Variants in FARP1 observed in about 807,000 individuals in gnomAD.
FARP1 encodes FERM, ARHGEF and pleckstrin domain-containing protein 1.
Under a neutral mutation model 128.8 loss-of-function variants are expected in FARP1, and 52 were observed. The observed-to-expected ratio is 0.40, with a 90% CI of 0.32 to 0.51. The LOEUF is 0.51. Among genes scored for constraint, FARP1 ranks in the 20% least tolerant of loss-of-function variants. FARP1 has a pLI of 0.45. For synonymous variants in FARP1, 580 were observed against 551.8 expected (o/e 1.05, Z -0.72); for missense variants, 1,333 against 1,367.9 (o/e 0.97, Z 0.40).
chr13:98,189,944 A>G (rs1879116332), intron 1 of FARP1, among the ~76,000 whole-genome samples: 1 of 152,184 alleles, frequency 6.6e-6, no homozygotes, highest in Non-Finnish European at 1.5e-5. Context: ...TTTTCATGCA[A>G]GTTCTCTGTC....
At chr13:98,211,170 C>G (rs1387223803) in intron 1 of FARP1, among the ~76,000 whole-genome samples, 1 of 152,198 alleles carries the variant, frequency 6.6e-6, no homozygotes, top group African/African-American at 2.4e-5. Flanking sequence ...CATTTGAAGT[C>G]CTCTAAAGGA....
intron 2 of FARP1, among the ~76,000 whole-genome samples, chr13:98,214,018 C>T (rs1028991754): frequency 3.1e-4 from 47 of 152,302 alleles, no homozygotes; most frequent in African/African-American, 1.1e-3. Context: ...GAGGCCCTGC[C>T]ACCGCAGGGC....
intron 2 of FARP1, among the ~76,000 whole-genome samples, chr13:98,221,202 T>A: frequency 6.6e-6 from 1 of 152,204 alleles, no homozygotes; most frequent in Non-Finnish European, 1.5e-5. Flanking sequence ...ACAGATTTGG[T>A]TCTCATGAAA....
At chr13:98,210,758 C>T (rs1428143301) in intron 1 of FARP1, among the ~76,000 whole-genome samples, 1 of 152,070 alleles carries the variant, frequency 6.6e-6, no homozygotes, top group Non-Finnish European at 1.5e-5. Flanking sequence ...ACCATGTTAG[C>T]CAGGATAGTC....
chr13:98,261,875 C>G (rs772357467), intron 2 of FARP1, among the ~76,000 whole-genome samples: 1 of 152,110 alleles, frequency 6.6e-6, no homozygotes, highest in Non-Finnish European at 1.5e-5. Context: ...CTCCCATGAC[C>G]CAGACACCTC....
At position 98,410,791 on chromosome 13, in the gene FARP1, A is replaced by G; in HGVS notation, c.1660A>G (p.Thr554Ala). 6.2e-7 allele frequency: 1 copy of G among 1,602,052 alleles called. No homozygotes were observed. The highest frequency in any genetic ancestry group is 8.5e-7 in the Non-Finnish European group (1 of 1,171,200). The part of the protein sequence containing the change: ...IAKEVSTTER[T>A]YLKDLEVITS... The stretch of plus-strand genomic sequence containing the variant: ...TAAGGAAGTGTCTACCACCGAGCGA[A>G]CATATCTGAAGGATCTCGAAGTTAT... The change falls in exon 15 of 27, where the codon ACA (threonine) becomes GCA (alanine). Residue 554 changes from threonine to alanine, a missense_variant. Transcript: ENST00000319562.
intron 2 of FARP1, among the ~76,000 whole-genome samples, chr13:98,285,309 T>A (rs998910769): frequency 2.0e-5 from 3 of 152,208 alleles, no homozygotes; most frequent in Non-Finnish European, 4.4e-5. Flanking sequence ...TTTAAAAAAT[T>A]GAAATAAAAC....
intron 2 of FARP1, among the ~76,000 whole-genome samples, chr13:98,250,427 A>G (rs1042728568): frequency 6.6e-6 from 1 of 152,310 alleles, no homozygotes; most frequent in Admixed American, 6.5e-5. Flanking sequence ...TAGTTTAACA[A>G]ATAAAAATAT....
intron 2 of FARP1, chr13:98,329,924 T>C (rs891671856): frequency 1.2e-4 from 19 of 152,094 alleles, no homozygotes; most frequent in African/African-American, 4.3e-4. Flanking sequence ...ATGTTGTCTT[T>C]TGTGTGTAGA....
rs1021708174 is a variant in FARP1, at chr13:98,411,964, C to T, written c.1756C>T (p.Pro586Ser). The part of the protein sequence containing the change: ...MPEALKSLIF[P>S]NFEPLHKFHT... ...GGAAGCACTGAAAAGTCTCATATTC[C>T]CGAATTTTGAACCTTTGCACAAATT... The change falls in exon 16 of 27, where the codon CCG (proline) becomes TCG (serine). Residue 586 changes from proline (P) to serine (S), a missense_variant. Physicochemically the swap from Pro to Ser is moderately conservative, Grantham distance 74. This residue lies in a region of FARP1 where 1,009 missense variants were observed against 969.8 expected (regional missense o/e 1.04). Transcript: ENST00000319562. The T allele has an allele frequency of 6.2e-7, 1 of 1,613,866 alleles. No individual in the cohort carries two copies. Among genetic ancestry groups the T allele is most frequent in the African/African-American group, 1.3e-5 (1 of 74,888 alleles).
intron 16 of FARP1, among the ~76,000 whole-genome samples, chr13:98,416,575 C>G (rs1177547883): frequency 2.6e-5 from 4 of 152,218 alleles, no homozygotes; most frequent in Non-Finnish European, 5.9e-5. Context: ...AACAAGGAAA[C>G]TGGTTTGGTG....
chr13:98,204,411 G>GCC (rs991079011), intron 1 of FARP1, among the ~76,000 whole-genome samples: 3 of 152,128 alleles, frequency 2.0e-5, no homozygotes, highest in Non-Finnish European at 4.4e-5. Context: ...AACTTACAGT[G>GCC]CCTCTCACCA....
At chr13:98,389,717 C>T (rs1184234283) in intron 9 of FARP1, 15 of 401,592 alleles carry the variant, frequency 3.7e-5, no homozygotes, top group Admixed American at 2.9e-4. Flanking sequence ...ATTGAAGCCA[C>T]GTGGCTGTTT....
At chr13:98,196,808 C>G (rs1879593247) in intron 1 of FARP1, among the ~76,000 whole-genome samples, 1 of 152,172 alleles carries the variant, frequency 6.6e-6, no homozygotes, top group African/African-American at 2.4e-5. Flanking sequence ...TAATTAAATG[C>G]CTTATCAACC....
At chr13:98,200,048 C>G (rs575874932) in intron 1 of FARP1, among the ~76,000 whole-genome samples, 1 of 152,304 alleles carries the variant, frequency 6.6e-6, no homozygotes, top group African/African-American at 2.4e-5. Flanking sequence ...GATATGTGCT[C>G]TACCGAATCA....
intron 2 of FARP1, among the ~76,000 whole-genome samples, chr13:98,298,356 A>G (rs185550169): frequency 2.0e-5 from 3 of 152,338 alleles, no homozygotes; most frequent in East Asian, 1.9e-4. Context: ...ACAAGGTCCC[A>G]TGCTTGCACA....
intron 1 of FARP1, among the ~76,000 whole-genome samples, chr13:98,212,833 A>G (rs1880814998): frequency 6.6e-6 from 1 of 152,132 alleles, no homozygotes; most frequent in African/African-American, 2.4e-5. Context: ...CTTAGCATGT[A>G]ACTATGTCCA....
chr13:98,230,644 T>A lies in FARP1; in HGVS notation c.171+17231T>A, dbSNP rs143791123. On this transcript the variant is annotated intron_variant, in intron 2 of 26. Coordinates refer to ENST00000319562, the MANE Select transcript of FARP1 (RefSeq NM_005766.4). ...CATTTGTCTTTTTTCTGCTTTTTTT[T>A]AATAAAACCAGAATATATTATACAT... Among the ~76,000 whole-genome samples the A allele has an allele frequency of 4.2e-3, 639 of 150,890 alleles. 2 individuals carry two copies. Among genetic ancestry groups the A allele is most frequent in the African/African-American group, 0.013 (530 of 40,488 alleles).
intron 1 of FARP1, among the ~76,000 whole-genome samples, chr13:98,160,262 G>A (rs1876783375): frequency 6.6e-6 from 1 of 152,150 alleles, no homozygotes; most frequent in Non-Finnish European, 1.5e-5. Flanking sequence ...TCCTTTGAGT[G>A]GATATGCCAG....
Sources: allele counts gnomAD v4.1 joint callset (sites outside exome capture counted in the v4.1 genomes callset), GRCh38; gene constraint gnomAD v4.1.1; regional missense constraint gnomAD v4.1.1; transcripts MANE v1.5; gene names NCBI Gene and HGNC (gene_info 2026-07-23, HGNC 2026-07-21).